The following RABGAP1L variants were observed in gnomAD, a reference collection of about 807,000 sequenced individuals.
RABGAP1L encodes RAB GTPase activating protein 1 like.
Under a neutral mutation model 137.7 loss-of-function variants are expected in RABGAP1L, and 63 were observed. The observed-to-expected ratio is 0.46, with a 90% confidence interval of 0.37 to 0.56. The LOEUF (loss-of-function observed/expected upper bound fraction) is 0.56, where lower values mean the gene tolerates loss of function less well. Among genes scored for constraint, RABGAP1L ranks in the 20% least tolerant of loss-of-function variants. The pLI is 0.00. For missense variants in RABGAP1L, 1,095 were observed against 1,244.0 expected, an observed-to-expected ratio of 0.88 and a Z score of 1.80; for synonymous variants, 431 against 433.7, an observed-to-expected ratio of 0.99 and a Z score of 0.08.
Position 174,210,760 on chromosome 1 carries a change from C to T in RABGAP1L, c.-33-8365C>T, listed in dbSNP as rs140808177. On this transcript the variant is annotated intron_variant, in intron 1 of 25. Transcript: ENST00000681986. Reference sequence around the variant, plus strand: ...TACAAGAAGGTTATAGAACACCAAGCAGATTTAAAGGAAGATGATGTCTGC... The same window carrying T: ...TACAAGAAGGTTATAGAACACCAAGTAGATTTAAAGGAAGATGATGTCTGC... Among the ~76,000 whole-genome samples, 156 of 152,154 alleles carry T rather than the reference C, an allele frequency of 1.0e-3. No homozygotes were observed. In the East Asian group the frequency reaches 0.021, roughly 21 times the overall value.
At chr1:174,400,360 T>C (rs1648421510) in intron 13 of RABGAP1L, among the ~76,000 whole-genome samples, 1 of 152,116 alleles carries the variant, frequency 6.6e-6, no homozygotes, top group South Asian at 2.1e-4. Flanking sequence ...TAATGTCTGC[T>C]TCCCCAGCAG....
At chr1:174,622,720 A>G (rs569470322) in intron 13 of RABGAP1L, among the ~76,000 whole-genome samples, 2 of 152,334 alleles carry the variant, frequency 1.3e-5, no homozygotes, top group Non-Finnish European at 2.9e-5. Context: ...GAGGGAAGGC[A>G]GGAGGGATAG....
intron 19 of RABGAP1L, chr1:174,850,182 G>A (rs566271798): frequency 3.4e-5 from 14 of 407,814 alleles, no homozygotes; most frequent in South Asian, 2.4e-4. Flanking sequence ...CTCATAACAT[G>A]ATGCCCTCAG....
chr1:174,504,929 C>A (rs1661675614), intron 13 of RABGAP1L, among the ~76,000 whole-genome samples: 1 of 152,150 alleles, frequency 6.6e-6, no homozygotes, highest in Non-Finnish European at 1.5e-5. Flanking sequence ...GGTGAGGAGT[C>A]ATCCTACAGA....
intron 13 of RABGAP1L, among the ~76,000 whole-genome samples, chr1:174,629,778 C>T (rs1673198285): frequency 6.6e-6 from 1 of 152,178 alleles, no homozygotes; most frequent in Admixed American, 6.5e-5. Flanking sequence ...CCCGCCTCAG[C>T]CTCCCAAAGT....
chr1:174,238,945 G>GC (rs1671506414), intron 4 of RABGAP1L: 1 of 160,816 alleles, frequency 6.2e-6, no homozygotes, highest in Non-Finnish European at 1.3e-5. Flanking sequence ...GACCCTCCAA[G>GC]CCAGGTGTGG....
At chr1:174,219,046 G>A (rs1160684404) in intron 1 of RABGAP1L, 79 bp from the exon 2 acceptor site, 2 of 1,114,072 alleles carry the variant, frequency 1.8e-6, no homozygotes, top group South Asian at 1.5e-5. Context: ...CATTTTTAAA[G>A]CTTTATTAGT....
intron 13 of RABGAP1L, among the ~76,000 whole-genome samples, chr1:174,568,273 G>A (rs12077880): frequency 0.12 from 18,184 of 152,090 alleles, 3,677 homozygotes; most frequent in African/African-American, 0.41. Context: ...CCATTTATGA[G>A]GGTCTGCCCC....
At chr1:174,562,861 G>A (rs1010507533) in intron 13 of RABGAP1L, among the ~76,000 whole-genome samples, 1 of 152,082 alleles carries the variant, frequency 6.6e-6, no homozygotes, top group African/African-American at 2.4e-5. Flanking sequence ...TGAGGGGCTG[G>A]GGGGCTAGGA....
At chr1:174,234,536 T>G (rs952521651) in intron 4 of RABGAP1L, among the ~76,000 whole-genome samples, 5 of 143,792 alleles carry the variant, frequency 3.5e-5, no homozygotes, top group African/African-American at 1.5e-4. Flanking sequence ...CCTTTCCCCA[T>G]TGCTTCTTTT....
At chr1:174,184,858 C>T (rs1009440612) in intron 1 of RABGAP1L, among the ~76,000 whole-genome samples, 12 of 152,188 alleles carry the variant, frequency 7.9e-5, no homozygotes, top group Admixed American at 5.2e-4. Flanking sequence ...TAAGACTAGT[C>T]TCTTTATTTA....
At chr1:174,730,145 G>A (rs1284920511) in intron 17 of RABGAP1L, among the ~76,000 whole-genome samples, 1 of 152,108 alleles carries the variant, frequency 6.6e-6, no homozygotes, top group Admixed American at 6.5e-5. Context: ...AAATCATGTC[G>A]CTTAAAGCAA....
intron 19 of RABGAP1L, among the ~76,000 whole-genome samples, chr1:174,833,091 C>CT (rs1189083948): frequency 6.6e-6 from 1 of 152,118 alleles, no homozygotes; most frequent in African/African-American, 2.4e-5. Flanking sequence ...TTTACTACCT[C>CT]TTTTACTCAC....
chr1:174,163,566 T>C (rs1187657714), intron 1 of RABGAP1L, among the ~76,000 whole-genome samples: 1 of 151,444 alleles, frequency 6.6e-6, no homozygotes, highest in Non-Finnish European at 1.5e-5. Flanking sequence ...TCTTATTTTC[T>C]AAATAGCTTT....
At chr1:174,287,772 T>C (rs908327017) in intron 10 of RABGAP1L, among the ~76,000 whole-genome samples, 3 of 152,154 alleles carry the variant, frequency 2.0e-5, no homozygotes, top group Admixed American at 2.0e-4. Context: ...AGATTACAGG[T>C]GTGAGCCATA....
chr1:174,533,279 C>T (rs1372532561), intron 13 of RABGAP1L, among the ~76,000 whole-genome samples: 1 of 152,164 alleles, frequency 6.6e-6, no homozygotes, highest in Non-Finnish European at 1.5e-5. Flanking sequence ...TCCATGCGCT[C>T]CCCTCTGGTA....
At chr1:174,623,983 T>G (rs917624098) in intron 13 of RABGAP1L, among the ~76,000 whole-genome samples, 20 of 152,216 alleles carry the variant, frequency 1.3e-4, no homozygotes, top group African/African-American at 4.8e-4. Context: ...TTAACAAAAC[T>G]GAGACTTCAG....
intron 11 of RABGAP1L, among the ~76,000 whole-genome samples, chr1:174,319,717 C>G (rs949688635): frequency 6.6e-6 from 1 of 152,026 alleles, no homozygotes; most frequent in African/African-American, 2.4e-5. Context: ...TGAGGAAGTT[C>G]TTTTCTATTC....
At chr1:174,640,953 ATATAT>A (rs1221082129) in intron 14 of RABGAP1L, among the ~76,000 whole-genome samples, 36 of 142,640 alleles carry the variant, frequency 2.5e-4, no homozygotes, top group Non-Finnish European at 3.6e-4. Flanking sequence ...ATATAATATA[ATATAT>A]TATATTTAAT....
Sources: allele counts gnomAD v4.1 joint callset (sites outside exome capture counted in the v4.1 genomes callset), GRCh38; gene constraint gnomAD v4.1.1; transcripts MANE v1.5; gene names NCBI Gene and HGNC (gene_info 2026-07-23, HGNC 2026-07-21).